GALNT17: variants seen among roughly 807,000 people sequenced by gnomAD.
GALNT17 encodes UDP-GalNAc:polypeptide N-acetylgalactosaminyltransferase-like 3.
Under a neutral mutation model 63.7 loss-of-function variants are expected in GALNT17, and 29 were observed. The observed-to-expected ratio is 0.46, with a 90% CI of 0.34 to 0.62. GALNT17 has a LOEUF of 0.62. Among genes scored for constraint, GALNT17 ranks in the 20% least tolerant of loss-of-function variants. The pLI, the probability that GALNT17 is intolerant of heterozygous loss-of-function variation, is 0.01. For missense variants in GALNT17, 603 were observed against 799.6 expected, an observed-to-expected ratio of 0.75 and a Z score of 2.97; for synonymous variants, 305 against 318.3, an observed-to-expected ratio of 0.96 and a Z score of 0.45.
chr7:71,366,461 A>G (rs1376623683), intron 2 of GALNT17, among the ~76,000 whole-genome samples: 3 of 152,086 alleles, frequency 2.0e-5, no homozygotes, highest in East Asian at 1.9e-4. Context: ...GGCGCCTGTA[A>G]TCCCAGTTAC....
intron 1 of GALNT17, among the ~76,000 whole-genome samples, chr7:71,248,504 T>C (rs1241682939): frequency 6.6e-6 from 1 of 152,078 alleles, no homozygotes; most frequent in Non-Finnish European, 1.5e-5. Flanking sequence ...GACAGAAACA[T>C]ACAGATAGGA....
intron 10 of GALNT17, 63 bp from the exon 11 acceptor site, chr7:71,711,955 A>G (rs538132939): frequency 7.8e-6 from 12 of 1,548,362 alleles, no homozygotes; most frequent in East Asian, 2.3e-5. Context: ...CTCTCTCTAT[A>G]TCTCTCGCTG....
At chr7:71,664,433 G>A (rs1790953779) in intron 6 of GALNT17, among the ~76,000 whole-genome samples, 1 of 152,056 alleles carries the variant, frequency 6.6e-6, no homozygotes, top group Non-Finnish European at 1.5e-5. Flanking sequence ...AACATAGCGA[G>A]ACCTCATCTC....
At chr7:71,711,763 CTT>C (rs1321516972) in intron 10 of GALNT17, among the ~76,000 whole-genome samples, 2 of 150,296 alleles carry the variant, frequency 1.3e-5, no homozygotes, top group Non-Finnish European at 3.0e-5. Flanking sequence ...CTCTTTGTCT[CTT>C]TGTCTCGTTC....
chr7:71,646,910 C>G (rs1790684095), intron 6 of GALNT17, among the ~76,000 whole-genome samples: 2 of 151,294 alleles, frequency 1.3e-5, no homozygotes, highest in Admixed American at 1.3e-4. Flanking sequence ...CCACACCCAG[C>G]TAATTTTTTG....
chr7:71,175,194 A>G (rs554884667), intron 1 of GALNT17, among the ~76,000 whole-genome samples: 101 of 151,456 alleles, frequency 6.7e-4, no homozygotes, highest in African/African-American at 2.2e-3. Flanking sequence ...CCATCCGTCT[A>G]TCTATCCCTC....
intron 1 of GALNT17, among the ~76,000 whole-genome samples, chr7:71,196,344 T>C (rs1789048655): frequency 6.6e-6 from 1 of 152,124 alleles, no homozygotes; most frequent in Non-Finnish European, 1.5e-5. Flanking sequence ...TTCATCATGT[T>C]GACCATGGTG....
chr7:71,337,462 T>C (rs1469251252), intron 2 of GALNT17, among the ~76,000 whole-genome samples: 1 of 152,234 alleles, frequency 6.6e-6, no homozygotes, highest in Non-Finnish European at 1.5e-5. Flanking sequence ...ATTCTACTCT[T>C]GTTAGAATTT....
At chr7:71,544,920 G>T (rs1262392044) in intron 5 of GALNT17, among the ~76,000 whole-genome samples, 1 of 151,204 alleles carries the variant, frequency 6.6e-6, no homozygotes, top group African/African-American at 2.4e-5. Flanking sequence ...GATTTTTCTG[G>T]GGATCAAATG....
At chr7:71,698,594 G>C (rs1023873880) in intron 9 of GALNT17, among the ~76,000 whole-genome samples, 1 of 151,736 alleles carries the variant, frequency 6.6e-6, no homozygotes, top group East Asian at 1.9e-4. Flanking sequence ...AATAGAAATG[G>C]AGTGTGATTT....
intron 6 of GALNT17, among the ~76,000 whole-genome samples, chr7:71,578,609 TGGGACCACAGCC>T (rs1211725858): frequency 6.6e-6 from 1 of 152,202 alleles, no homozygotes; most frequent in Non-Finnish European, 1.5e-5. Context: ...CTCAACATGC[TGGGACCACAGCC>T]GTGAGCCACT....
At chr7:71,142,101 C>T (rs1278132275) in intron 1 of GALNT17, among the ~76,000 whole-genome samples, 1 of 151,390 alleles carries the variant, frequency 6.6e-6, no homozygotes, top group Non-Finnish European at 1.5e-5. Flanking sequence ...AACTCCTGAC[C>T]TCAAGTGATC....
intron 5 of GALNT17, among the ~76,000 whole-genome samples, chr7:71,517,169 T>C (rs969698166): frequency 1.3e-5 from 2 of 152,192 alleles, no homozygotes; most frequent in Non-Finnish European, 2.9e-5. Flanking sequence ...GGCTGGGACA[T>C]TCAAGGTCAG....
At chr7:71,337,283 T>G (rs1365585108) in intron 2 of GALNT17, among the ~76,000 whole-genome samples, 1 of 152,184 alleles carries the variant, frequency 6.6e-6, no homozygotes, top group East Asian at 1.9e-4. Context: ...TTTTCAATTT[T>G]TCATTATTAT....
chr7:71,243,584 T>G (rs1790040470), intron 1 of GALNT17, among the ~76,000 whole-genome samples: 1 of 152,138 alleles, frequency 6.6e-6, no homozygotes, highest in Admixed American at 6.6e-5. Flanking sequence ...TTTTCTTTTC[T>G]TATTGAGATG....
At chr7:71,701,884 TATATATATATAC>T (rs1791651744) in intron 9 of GALNT17, among the ~76,000 whole-genome samples, 2 of 114,162 alleles carry the variant, frequency 1.8e-5, no homozygotes, top group African/African-American at 7.4e-5. Context: ...TATATATGTA[TATATATATATAC>T]ACATATATAT....
chr7:71,404,958 T>C (rs1793302464), intron 3 of GALNT17, among the ~76,000 whole-genome samples: 1 of 152,220 alleles, frequency 6.6e-6, no homozygotes, highest in Non-Finnish European at 1.5e-5. Flanking sequence ...CCTAATCCTT[T>C]ATCTTCACTC....
At chr7:71,691,170 C>T (rs1477737779) in intron 9 of GALNT17, among the ~76,000 whole-genome samples, 1 of 152,148 alleles carries the variant, frequency 6.6e-6, no homozygotes, top group African/African-American at 2.4e-5. Flanking sequence ...ACAGCCGCCC[C>T]AACATTCAGC....
intron 5 of GALNT17, among the ~76,000 whole-genome samples, chr7:71,476,983 G>T (rs770023772): frequency 6.6e-6 from 1 of 152,112 alleles, no homozygotes; most frequent in East Asian, 1.9e-4. Context: ...GGTGGATCTC[G>T]TGGTGTTACC....
Sources: allele counts gnomAD v4.1 joint callset (sites outside exome capture counted in the v4.1 genomes callset), GRCh38; gene constraint gnomAD v4.1.1; transcripts MANE v1.5; gene names NCBI Gene and HGNC (gene_info 2026-07-23, HGNC 2026-07-21).